DLC1: variants seen among roughly 807,000 people sequenced by gnomAD.
The protein encoded by DLC1 is rho GTPase-activating protein 7.
A neutral mutation model predicts 140.3 loss-of-function variants in DLC1; 54 were observed. The observed-to-expected ratio is 0.38, with a 90% CI of 0.31 to 0.48. The LOEUF is 0.48. DLC1 is among the 20% of genes least tolerant of loss of function. The pLI, the probability that DLC1 is intolerant of heterozygous loss-of-function variation, is 0.96. For synonymous variants in DLC1, 986 were observed against 728.1 expected (o/e 1.35, Z -5.70); for missense variants, 2,536 against 1,907.0 (o/e 1.33, Z -6.14).
Position 13,091,321 on chromosome 8 carries a change from G to A in DLC1, c.3852C>T (p.Phe1284=), listed in dbSNP as rs778030356. 1 of 1,613,714 alleles carries A rather than the reference G, an allele frequency of 6.2e-7. No individual in the cohort carries two copies. ...GCCAAACTTCTCAATTCCTTACCTGGAAAAGCTTCTTGCACTCGGCGATCA... is the reference window on the plus strand; with the variant it reads ...GCCAAACTTCTCAATTCCTTACCTGAAAAAGCTTCTTGCACTCGGCGATCA... ...AHMIAECKKL[F]QVPEEMSRCR... is the part of the protein sequence containing the mutation. Residue 1284 remains phenylalanine (F), a synonymous_variant, in exon 14 of 18, where the codon TTC becomes TTT. Coordinates refer to ENST00000276297, the MANE Select transcript of DLC1 (RefSeq NM_182643.3).
chr8:13,136,632 T>C (rs1822578471), intron 5 of DLC1, among the ~76,000 whole-genome samples: 1 of 152,196 alleles, frequency 6.6e-6, no homozygotes, highest in Non-Finnish European at 1.5e-5. Flanking sequence ...GATCCCAGGC[T>C]CAAGCGATCC....
At chr8:13,347,520 C>T (rs956762014) in intron 4 of DLC1, among the ~76,000 whole-genome samples, 1 of 152,076 alleles carries the variant, frequency 6.6e-6, no homozygotes, top group Non-Finnish European at 1.5e-5. Flanking sequence ...CACATACAGC[C>T]CATTCCATAT....
intron 5 of DLC1, among the ~76,000 whole-genome samples, chr8:13,262,868 C>G (rs985680224): frequency 6.6e-6 from 1 of 152,176 alleles, no homozygotes; most frequent in African/African-American, 2.4e-5. Context: ...GTAGTTTGAA[C>G]TTCAAAACAG....
chr8:13,184,461 C>T (rs910134692), intron 5 of DLC1, among the ~76,000 whole-genome samples: 2 of 152,220 alleles, frequency 1.3e-5, no homozygotes, highest in Admixed American at 1.3e-4. Flanking sequence ...CCTCTACACT[C>T]TGCTTTAAAT....
chr8:13,304,800 A>C (rs1010537452), intron 5 of DLC1: 30 of 964,476 alleles, frequency 3.1e-5, no homozygotes, highest in Non-Finnish European at 3.3e-5. Context: ...ACACAGAAAA[A>C]TACTATAATT....
intron 5 of DLC1, among the ~76,000 whole-genome samples, chr8:13,229,797 A>C (rs141441527): frequency 0.011 from 1,687 of 152,290 alleles, 10 homozygotes; most frequent in East Asian, 0.037. Context: ...CTGGCCCCTA[A>C]AATCTAACAA....
intron 6 of DLC1, among the ~76,000 whole-genome samples, chr8:13,111,590 C>A (rs1301530898): frequency 6.6e-6 from 1 of 152,122 alleles, no homozygotes; most frequent in Non-Finnish European, 1.5e-5. Context: ...TAAAAAGATC[C>A]CTTGGTAAGT....
intron 5 of DLC1, among the ~76,000 whole-genome samples, chr8:13,170,047 A>G (rs1585829445): frequency 6.6e-6 from 1 of 152,234 alleles, no homozygotes; most frequent in Non-Finnish European, 1.5e-5. Context: ...AAAAAATTAG[A>G]GGAATATTTC....
intron 5 of DLC1, among the ~76,000 whole-genome samples, chr8:13,201,761 T>G (rs1473071306): frequency 6.6e-6 from 1 of 152,082 alleles, no homozygotes; most frequent in Non-Finnish European, 1.5e-5. Context: ...ATCATGAATG[T>G]GTACAAAATG....
Position 13,100,000 on chromosome 8 carries a change from G to A in DLC1, c.2337C>T (p.Phe779=). 1 of 1,612,404 alleles carries A rather than the reference G, an allele frequency of 6.2e-7. No individual in the cohort carries two copies. Among genetic ancestry groups the A allele is most frequent in the East Asian group, 2.2e-5 (1 of 44,862 alleles). Residue 779 remains phenylalanine (F), a synonymous_variant, in exon 9 of 18, where the codon TTC becomes TTT. Transcript: ENST00000276297. ...TAAATGTTGACTGATTGAAAGGATC[G>A]AAGCCCTCTAAGTACATGCCCACCC... ...NKRVGMYLEG[F]DPFNQSTFNN...
At chr8:13,190,661 C>A (rs1180277111) in intron 5 of DLC1, among the ~76,000 whole-genome samples, 1 of 152,008 alleles carries the variant, frequency 6.6e-6, no homozygotes, top group Non-Finnish European at 1.5e-5. Context: ...TAGAGAAGTA[C>A]CAGGATTTAG....
At chr8:13,529,024 G>T (rs1472248919) in intron 1 of DLC1, among the ~76,000 whole-genome samples, 1 of 152,138 alleles carries the variant, frequency 6.6e-6, no homozygotes, top group Non-Finnish European at 1.5e-5. Context: ...TTCTCTTCTA[G>T]ACGAGGGAAG....
At chr8:13,317,796 T>C (rs771019655) in intron 4 of DLC1, among the ~76,000 whole-genome samples, 4 of 151,906 alleles carry the variant, frequency 2.6e-5, no homozygotes, top group Non-Finnish European at 5.9e-5. Flanking sequence ...GGAAAGAGGA[T>C]TGAGAAAGCA....
chr8:13,393,811 G>C lies in DLC1; in HGVS notation c.1174-118C>G, dbSNP rs779861283. The C allele has an allele frequency of 1.3e-5, 16 of 1,226,762 alleles. No individual in the cohort carries two copies. The African/African-American group carries it at 2.0e-4, about 15-fold the overall frequency. 76.0% of individuals were successfully genotyped at this position (1,226,762 alleles called of 1,614,324 possible). ...TCCCAGTGCACACTGATACACTAAA[G>C]AGTTGCTGACAACTGACAGTGACGT... On this transcript the variant is annotated intron_variant, in intron 3 of 17. Coordinates refer to ENST00000276297, the MANE Select transcript of DLC1 (RefSeq NM_182643.3).
chr8:13,540,285 G>T (rs1460655224), intron 1 of DLC1, among the ~76,000 whole-genome samples: 3 of 152,130 alleles, frequency 2.0e-5, no homozygotes, highest in African/African-American at 4.8e-5. Flanking sequence ...TCTCAGTTAA[G>T]CATTTCACTC....
At chr8:13,398,823 T>G (rs1216901990) in intron 3 of DLC1, among the ~76,000 whole-genome samples, 2 of 152,042 alleles carry the variant, frequency 1.3e-5, no homozygotes, top group East Asian at 3.9e-4. Flanking sequence ...GAGCAACACA[T>G]CTTTGATTGA....
chr8:13,287,183 T>G (rs1831561952), intron 5 of DLC1, among the ~76,000 whole-genome samples: 1 of 152,196 alleles, frequency 6.6e-6, no homozygotes. Context: ...TCCCTCCCAC[T>G]TCTTACTGGC....
intron 1 of DLC1, among the ~76,000 whole-genome samples, chr8:13,503,301 G>T (rs1056486362): frequency 6.6e-6 from 1 of 152,268 alleles, no homozygotes; most frequent in East Asian, 1.9e-4. Context: ...CAACTTGGGA[G>T]GCTGAGGTGG....
intron 4 of DLC1, among the ~76,000 whole-genome samples, chr8:13,361,023 G>C (rs1366287095): frequency 6.6e-6 from 1 of 152,188 alleles, no homozygotes; most frequent in Non-Finnish European, 1.5e-5. Flanking sequence ...TTGAGCTCAG[G>C]AGTTCAAGTC....
Sources: gnomAD v4.1 joint callset for allele counts (sites outside exome capture counted in the v4.1 genomes callset) on GRCh38, gnomAD v4.1.1 for gene constraint, MANE v1.5 for transcripts, NCBI Gene and HGNC (gene_info 2026-07-23, HGNC 2026-07-21) for gene names.